The following ZNF736 variants were observed in gnomAD, a reference collection of about 807,000 sequenced individuals.
ZNF736 encodes the protein KRAB-containing zinc-finger repressor protein.
In ZNF736, 6 loss-of-function variants were observed where a neutral mutation model predicts 11.7. The ratio of observed to expected loss-of-function variants is 0.51; its 90% CI spans 0.28 to 1.01. The LOEUF (loss-of-function observed/expected upper bound fraction) is 1.01, where lower values mean the gene tolerates loss of function less well. Among genes scored for constraint, ZNF736 ranks in the 50% least tolerant of loss-of-function variants. The probability of loss-of-function intolerance (pLI) is 0.09; values close to 1 mark genes in which losing one functional copy is unlikely to be tolerated. For missense variants in ZNF736, 444 were observed against 496.0 expected (o/e 0.90, Z 1.00); for synonymous variants, 139 against 164.7 (o/e 0.84, Z 1.19).
intron 1 of ZNF736, among the ~76,000 whole-genome samples, chr7:64,333,088 G>A (rs1449724613): frequency 1.3e-5 from 2 of 152,172 alleles, no homozygotes; most frequent in African/African-American, 4.8e-5. Context: ...ACAGGCATAA[G>A]AAATTACAAA....
chr7:64,326,423 C>G (rs1436324207), intron 1 of ZNF736, among the ~76,000 whole-genome samples: 1 of 152,222 alleles, frequency 6.6e-6, no homozygotes. Context: ...TTGGCACCTT[C>G]AGACCTGAAA....
rs1266935304 is a variant in ZNF736 at position 64,352,417 on chromosome 7, AG to A, written c.*3271del. On this transcript the variant is annotated 3_prime_UTR_variant, in exon 4 of 4. Coordinates refer to ENST00000423484, the MANE Select transcript of ZNF736 (RefSeq NM_001170905.3). ...ACATGATTGGGGACCCACTTAAGAA[AG>A]CAGTCTAGCCATATTTTTGCAGGAC... 1.3e-5 allele frequency: 2 copies of A among 152,210 alleles called. No individual in the cohort carries two copies. Among genetic ancestry groups the A allele is most frequent in the Non-Finnish European group, 2.9e-5 (2 of 68,054 alleles). 9.4% of individuals were successfully genotyped at this position (152,210 alleles called of 1,614,324 possible).
rs1195786614 is a variant in ZNF736 at position 64,337,763 on chromosome 7, T to TG, written c.226+781_226+782insG. Among the ~76,000 whole-genome samples, 5 of 145,494 alleles carry TG rather than the reference T, an allele frequency of 3.4e-5. No homozygotes were observed. In the South Asian group the frequency reaches 8.7e-4, roughly 25 times the overall value. ...TTTGTTTTGTTTTTTTTGGTTTTTT[T>TG]TTTTTTTTGAGACAGAGTTTTGCTC... On this transcript the variant is annotated intron_variant, in intron 3 of 3. Transcript: ENST00000423484.
At position 64,313,985 on chromosome 7, in the gene ZNF736, C is replaced by G; in HGVS notation, c.-166C>G. Reference sequence around the variant, plus strand: ...GGCGGCCTCTTCAATATGGCGGGGCCTTTGTCTCCTAGCTTCCGGGCTCTG... The same window carrying G: ...GGCGGCCTCTTCAATATGGCGGGGCGTTTGTCTCCTAGCTTCCGGGCTCTG... On this transcript the variant is annotated 5_prime_UTR_variant, in exon 1 of 4. Coordinates refer to ENST00000423484, the MANE Select transcript of ZNF736 (RefSeq NM_001170905.3). The G allele has an allele frequency of 2.2e-6, 2 of 907,750 alleles. No homozygotes were observed. The highest frequency in any genetic ancestry group is 2.2e-5 in the Admixed American group (1 of 45,664). 56.2% of individuals were successfully genotyped at this position (907,750 alleles called of 1,614,324 possible).
chr7:64,326,692 T>A (rs758717076), intron 1 of ZNF736, among the ~76,000 whole-genome samples: 6 of 152,112 alleles, frequency 3.9e-5, no homozygotes, highest in Non-Finnish European at 7.4e-5. Flanking sequence ...AGGCACTTAC[T>A]GCTATAAACC....
At chr7:64,318,433 CTTTA>C (rs1402666302) in intron 1 of ZNF736, among the ~76,000 whole-genome samples, 3 of 151,958 alleles carry the variant, frequency 2.0e-5, no homozygotes, top group East Asian at 1.9e-4. Flanking sequence ...CATTTACATG[CTTTA>C]TTTATTTATT....
intron 1 of ZNF736, among the ~76,000 whole-genome samples, chr7:64,325,024 G>A (rs996053803): frequency 3.9e-5 from 6 of 151,992 alleles, no homozygotes; most frequent in African/African-American, 7.3e-5. Context: ...GTCAATGGCC[G>A]AAGTGCCCCA....
Position 64,316,210 on chromosome 7 carries a change from A to T in ZNF736, c.3+2057A>T, listed in dbSNP as rs145784886. Among the ~76,000 whole-genome samples, 518 of 152,346 alleles carry T rather than the reference A, an allele frequency of 3.4e-3. 3 individuals are homozygous for T. The highest frequency in any genetic ancestry group is 0.012 in the African/African-American group (491 of 41,584). On this transcript the variant is annotated intron_variant, in intron 1 of 3. Coordinates refer to ENST00000423484, the MANE Select transcript of ZNF736 (RefSeq NM_001170905.3). ...GAGAAGAGCCTGAGGCATTGGGTGG[A>T]GCCTCTCAGGGGAGCAGCTGGATGC...
At position 64,348,940 on chromosome 7, in the gene ZNF736, CAA is replaced by C. The variant is rs1194964984; in HGVS notation, c.1078_1079del (p.Lys360GlufsTer12). On this transcript the variant is annotated frameshift_variant, in exon 4 of 4. Transcript: ENST00000423484. LOFTEE classifies it low-confidence loss of function (END_TRUNC). ...FTRSSTLFNH[K>X]RIHMEERPYK... is the part of the protein sequence containing the mutation. ...CCCGCTCCTCAACCCTTTTTAACCA[CAA>C]GAGAATTCATATGGAAGAGAGACCT... 1.3e-6 allele frequency: 2 copies of C among 1,596,792 alleles called. No homozygotes were observed. The highest frequency in any genetic ancestry group is 1.7e-5 in the Admixed American group (1 of 57,208).
intron 3 of ZNF736, among the ~76,000 whole-genome samples, chr7:64,347,632 C>T (rs549249847): frequency 1.0e-3 from 153 of 152,288 alleles, no homozygotes; most frequent in African/African-American, 3.5e-3. Context: ...CCTTTGGTCT[C>T]AGCTGTCCGA....
At chr7:64,345,329 G>C (rs1235282994) in intron 3 of ZNF736, among the ~76,000 whole-genome samples, 2 of 151,604 alleles carry the variant, frequency 1.3e-5, no homozygotes, top group Admixed American at 6.6e-5. Flanking sequence ...GCCAGGAAAA[G>C]TAAAATTGAA....
At chr7:64,324,806 C>G (rs550320414) in intron 1 of ZNF736, among the ~76,000 whole-genome samples, 20 of 152,216 alleles carry the variant, frequency 1.3e-4, no homozygotes, top group Admixed American at 8.5e-4. Flanking sequence ...TCCACTAACT[C>G]TGGACTTTCC....
intron 1 of ZNF736, among the ~76,000 whole-genome samples, chr7:64,317,635 GA>G (rs1788935863): frequency 6.6e-6 from 1 of 151,958 alleles, no homozygotes; most frequent in Admixed American, 6.6e-5. Flanking sequence ...CATAAAAGTA[GA>G]AAATCAAATT....
intron 1 of ZNF736, among the ~76,000 whole-genome samples, chr7:64,331,930 C>G (rs1205233230): frequency 6.6e-6 from 1 of 152,000 alleles, no homozygotes; most frequent in Non-Finnish European, 1.5e-5. Context: ...TTCTGAACCT[C>G]TCTTGTGATA....
chr7:64,321,059 A>G (rs1222002718), intron 1 of ZNF736, among the ~76,000 whole-genome samples: 1 of 152,236 alleles, frequency 6.6e-6, no homozygotes, highest in East Asian at 1.9e-4. Flanking sequence ...AAAGGTGATC[A>G]TGGCCAGAGC....
At position 64,327,327 on chromosome 7, in the gene ZNF736, G is replaced by A. The variant is rs527789082; in HGVS notation, c.4-8932G>A. 3.9e-5 allele frequency among the ~76,000 whole-genome samples: 6 copies of A among 152,184 alleles called. No homozygotes were observed. The East Asian group carries it at 5.8e-4, about 15-fold the overall frequency. ...TGTCTTAAAGTCTGTTTTGTTTACC[G>A]TAGCTATTCCTCCTCTTTTTTGTTT... On this transcript the variant is annotated intron_variant, in intron 1 of 3. Coordinates refer to ENST00000423484, the MANE Select transcript of ZNF736 (RefSeq NM_001170905.3).
At chr7:64,321,069 C>T (rs978040317) in intron 1 of ZNF736, among the ~76,000 whole-genome samples, 1 of 152,138 alleles carries the variant, frequency 6.6e-6, no homozygotes, top group Non-Finnish European at 1.5e-5. Context: ...ATGGCCAGAG[C>T]AGTGTACCAG....
chr7:64,319,474 G>A (rs1584264359), intron 1 of ZNF736, among the ~76,000 whole-genome samples: 4 of 124,748 alleles, frequency 3.2e-5, no homozygotes, highest in African/African-American at 5.8e-5. Context: ...CAGGTAAATA[G>A]AAAACATTTC....
At chr7:64,319,333 G>GTGTGTGTATATATATATATA (rs1175526690) in intron 1 of ZNF736, among the ~76,000 whole-genome samples, 1 of 71,638 alleles carries the variant, frequency 1.4e-5, no homozygotes, top group Non-Finnish European at 2.9e-5. Flanking sequence ...GTGTGTATGT[G>GTGTGTGTATATATATATATA]TATATATATA....
Sources: allele counts gnomAD v4.1 joint callset (sites outside exome capture counted in the v4.1 genomes callset), GRCh38; gene constraint gnomAD v4.1.1; transcripts MANE v1.5; gene names NCBI Gene and HGNC (gene_info 2026-07-23, HGNC 2026-07-21).